Variants in PEAK1 observed in about 807,000 individuals in gnomAD.
The protein encoded by PEAK1 is pseudopodium enriched atypical kinase 1.
In PEAK1, 54 loss-of-function variants were observed where a neutral mutation model predicts 124.7. The observed-to-expected ratio is 0.43, with a 90% CI of 0.35 to 0.54. PEAK1 has a LOEUF of 0.54. PEAK1 is among the 20% of genes least tolerant of loss of function. The probability of loss-of-function intolerance (pLI) is 0.01; values close to 1 mark genes in which losing one functional copy is unlikely to be tolerated. For missense variants in PEAK1, 2,046 were observed against 2,134.5 expected (o/e 0.96, Z 0.82); for synonymous variants, 719 against 760.0 (o/e 0.95, Z 0.89).
rs575940524 is a variant in PEAK1, at chr15:77,269,809, T to C, written c.-275+14074A>G. On this transcript the variant is annotated intron_variant, in intron 5 of 9. Coordinates refer to ENST00000682557, the MANE Select transcript of PEAK1 (RefSeq NM_001385026.1). ...TCTATTAGACCACAGTGGAATAAAA[T>C]TGGAAATCAACTCCATCTACACACT... is the stretch of plus-strand genomic sequence containing the variant. Among the ~76,000 whole-genome samples the C allele has an allele frequency of 1.1e-4, 17 of 150,890 alleles. No individual in the cohort carries two copies. In the South Asian group the frequency reaches 1.5e-3, roughly 13 times the overall value.
chr15:77,362,479 T>G (rs2067956978), intron 2 of PEAK1, among the ~76,000 whole-genome samples: 1 of 152,154 alleles, frequency 6.6e-6, no homozygotes, highest in African/African-American at 2.4e-5. Context: ...GTGGCTATAT[T>G]AAACAAAACA....
At chr15:77,396,927 C>T (rs1194458991) in intron 1 of PEAK1, among the ~76,000 whole-genome samples, 1 of 152,156 alleles carries the variant, frequency 6.6e-6, no homozygotes, top group African/African-American at 2.4e-5. Context: ...AGAAAAGAAA[C>T]ATCAAACTTA....
chr15:77,417,468 A>AG (rs1279979251), intron 1 of PEAK1: 3 of 424,340 alleles, frequency 7.1e-6, no homozygotes, highest in Admixed American at 4.1e-4. Context: ...GCGGGGGGGG[A>AG]GGGGGGCAAG....
intron 1 of PEAK1, chr15:77,419,012 C>T (rs970151895): frequency 1.0e-6 from 1 of 985,080 alleles, no homozygotes; most frequent in East Asian, 1.1e-4. Context: ...TCAACAGAGG[C>T]AGAAAAAAAA....
chr15:77,344,363 G>A (rs961870628), intron 2 of PEAK1, among the ~76,000 whole-genome samples: 1 of 152,172 alleles, frequency 6.6e-6, no homozygotes, highest in Non-Finnish European at 1.5e-5. Flanking sequence ...CAAAGTACTG[G>A]GATTACAGGC....
chr15:77,233,917 G>T (rs1322032606), intron 6 of PEAK1, among the ~76,000 whole-genome samples: 3 of 152,094 alleles, frequency 2.0e-5, no homozygotes, highest in African/African-American at 7.2e-5. Context: ...CCAGGCTGAA[G>T]TGCAGTGGCA....
At chr15:77,281,282 A>G (rs1186701097) in intron 5 of PEAK1, among the ~76,000 whole-genome samples, 1 of 152,202 alleles carries the variant, frequency 6.6e-6, no homozygotes, top group Non-Finnish European at 1.5e-5. Flanking sequence ...AATTTTTATA[A>G]GACATGGTAT....
intron 6 of PEAK1, among the ~76,000 whole-genome samples, chr15:77,228,638 G>A (rs1206267109): frequency 1.3e-5 from 2 of 152,004 alleles, no homozygotes; most frequent in African/African-American, 4.8e-5. Flanking sequence ...CCCAGGCAGG[G>A]CCCAATTATG....
At chr15:77,166,565 C>T (rs929917507) in intron 7 of PEAK1, among the ~76,000 whole-genome samples, 2 of 152,086 alleles carry the variant, frequency 1.3e-5, no homozygotes, top group Middle Eastern at 3.2e-3. Flanking sequence ...AAATGTGCCC[C>T]GGGGGGGAAT....
chr15:77,248,667 G>A (rs183453863), intron 6 of PEAK1, among the ~76,000 whole-genome samples: 1 of 152,302 alleles, frequency 6.6e-6, no homozygotes, highest in Admixed American at 6.5e-5. Flanking sequence ...GGACTCCCCA[G>A]CCTTCAGAAC....
intron 5 of PEAK1, among the ~76,000 whole-genome samples, chr15:77,267,095 C>T (rs916355029): frequency 1.3e-5 from 2 of 152,102 alleles, no homozygotes; most frequent in African/African-American, 2.4e-5. Context: ...CCCTGGCAAC[C>T]TGTGTGATGC....
At position 77,345,959 on chromosome 15, in the gene PEAK1, C is replaced by CTA. The variant is rs1327315734; in HGVS notation, c.-603+19202_-603+19203dup. 1.1e-5 allele frequency: 11 copies of CTA among 985,298 alleles called. No homozygotes were observed. In the East Asian group the frequency reaches 1.2e-3, roughly 112 times the overall value. 61.0% of individuals were successfully genotyped at this position (985,298 alleles called of 1,614,324 possible). The stretch of plus-strand genomic sequence containing the variant: ...TATAGCACATAGCAATGGCAAAGGT[C>CTA]TATCATGGTCAAAAAGAATACAACT... On this transcript the variant is annotated intron_variant, in intron 2 of 9. Coordinates refer to ENST00000682557, the MANE Select transcript of PEAK1 (RefSeq NM_001385026.1).
intron 6 of PEAK1, among the ~76,000 whole-genome samples, chr15:77,213,494 G>A (rs1020949871): frequency 6.6e-6 from 1 of 152,092 alleles, no homozygotes; most frequent in South Asian, 2.1e-4. Context: ...TTCAAGACCA[G>A]CCTGGCCAAG....
chr15:77,189,948 G>T (rs1050346225), intron 6 of PEAK1, among the ~76,000 whole-genome samples: 1 of 152,104 alleles, frequency 6.6e-6, no homozygotes, highest in Non-Finnish European at 1.5e-5. Context: ...TCAAATAAGA[G>T]AAGGTGGGAA....
At chr15:77,420,624 T>TA (rs10660461), upstream of PEAK1, 57,281 of 325,242 alleles carry the variant, frequency 0.18, 616 homozygotes, top group East Asian at 0.24. Flanking sequence ...GCCTTCGCAA[T>TA]AAAAAAAAAA....
intron 1 of PEAK1, among the ~76,000 whole-genome samples, chr15:77,380,082 T>C (rs2069349159): frequency 6.6e-6 from 1 of 152,202 alleles, no homozygotes; most frequent in South Asian, 2.1e-4. Flanking sequence ...CTTTGTTTTA[T>C]CTTGTTTTTT....
At position 77,126,347 on chromosome 15, in the gene PEAK1, G is replaced by GTTTATTA. The variant is rs2052371147; in HGVS notation, c.4077+6657_4077+6658insTAATAAA. On this transcript the variant is annotated intron_variant, in intron 9 of 9. Transcript: ENST00000682557. ...TTATTATATTGGTTCCTTAATATAA[G>GTTTATTA]GTACCTAGTTTGTTTCCAATTTTTG... 5.7e-4 allele frequency among the ~76,000 whole-genome samples: 86 copies of GTTTATTA among 152,136 alleles called. No individual in the cohort carries two copies. The South Asian group carries it at 0.017, about 30-fold the overall frequency.
chr15:77,160,105 T>C (rs2055498706), intron 7 of PEAK1, among the ~76,000 whole-genome samples: 2 of 152,020 alleles, frequency 1.3e-5, no homozygotes, highest in South Asian at 4.2e-4. Flanking sequence ...CTCGATGGGC[T>C]GCCCTCGGTC....
At chr15:77,241,203 A>C (rs972152444) in intron 6 of PEAK1, among the ~76,000 whole-genome samples, 4 of 152,192 alleles carry the variant, frequency 2.6e-5, no homozygotes, top group Non-Finnish European at 5.9e-5. Flanking sequence ...CCATAAATGT[A>C]AACTACTATA....
Sources: allele counts gnomAD v4.1 joint callset (sites outside exome capture counted in the v4.1 genomes callset), GRCh38; gene constraint gnomAD v4.1.1; transcripts MANE v1.5; gene names NCBI Gene and HGNC (gene_info 2026-07-23, HGNC 2026-07-21).